The following CILK1 variants were observed in gnomAD, a reference collection of about 807,000 sequenced individuals.
CILK1 encodes the protein serine/threonine-protein kinase ICK.
CILK1 carries 47 observed loss-of-function variants against 79.2 expected under a neutral mutation model. The ratio of observed to expected loss-of-function variants is 0.59; its 90% CI spans 0.47 to 0.76. The LOEUF (loss-of-function observed/expected upper bound fraction) is 0.76. Among genes scored for constraint, CILK1 ranks in the 30% least tolerant of loss-of-function variants. CILK1 has a pLI of 0.00. For missense variants in CILK1, 660 were observed against 769.5 expected (o/e 0.86, Z 1.68); for synonymous variants, 266 against 275.9 (o/e 0.96, Z 0.36).
intron 1 of CILK1, among the ~76,000 whole-genome samples, chr6:53,058,921 A>AT (rs1182703715): frequency 6.6e-6 from 1 of 152,040 alleles, no homozygotes; most frequent in African/African-American, 2.4e-5. Flanking sequence ...GAGGAGCAGT[A>AT]TAAAAAAAAA....
intron 9 of CILK1, 69 bp from the exon 10 acceptor site, chr6:53,012,296 C>A (rs1442639632): frequency 7.0e-7 from 1 of 1,432,134 alleles, no homozygotes; most frequent in Non-Finnish European, 9.8e-7. Context: ...GAGTAATCTC[C>A]ATCTGAACTT....
intron 1 of CILK1, among the ~76,000 whole-genome samples, chr6:53,047,888 G>A (rs1767205570): frequency 6.6e-6 from 1 of 151,938 alleles, no homozygotes; most frequent in African/African-American, 2.4e-5. Flanking sequence ...AGAGATGTGG[G>A]TTCTGTTTTC....
In CILK1 at chr6:53,031,588, A is replaced by G. The variant is rs528692502; in HGVS notation, c.279-444T>C. The stretch of plus-strand genomic sequence containing the variant: ...AAAAAATGTGCCCAAGAGGCTCCAT[A>G]CGGTTCACCTTTGAAGTTCAAAATT... On this transcript the variant is annotated intron_variant, in intron 4 of 13. Coordinates refer to ENST00000676107, the MANE Select transcript of CILK1 (RefSeq NM_014920.5). Among the ~76,000 whole-genome samples, 166 of 152,320 alleles carry G rather than the reference A, an allele frequency of 1.1e-3. 2 individuals are homozygous for G. The South Asian group carries it at 0.022, about 20-fold the overall frequency.
At chr6:53,030,741 CAT>C (rs1384903480) in intron 5 of CILK1, among the ~76,000 whole-genome samples, 1 of 152,166 alleles carries the variant, frequency 6.6e-6, no homozygotes, top group Non-Finnish European at 1.5e-5. Flanking sequence ...GTGGACCAAA[CAT>C]AATACATGAA....
Position 53,011,887 on chromosome 6 carries a change from A to T in CILK1, c.1374T>A (p.Ser458=), listed in dbSNP as rs1764593917. 6.2e-7 allele frequency: 1 copy of T among 1,614,086 alleles called. No individual in the cohort carries two copies. The highest frequency in any genetic ancestry group is 1.1e-5 in the South Asian group (1 of 91,086). ...RFESVLDLKP[S]EPVGTGNSAP... is the part of the protein sequence containing the mutation. ...CACTGTTTCCTGTGCCCACAGGCTC[A>T]GAGGGCTTCAGGTCCAAAACACTCT... Residue 458 remains serine, a synonymous_variant, in exon 11 of 14, where the codon TCT becomes TCA. Transcript: ENST00000676107.
Position 53,024,554 on chromosome 6 carries a change from T to A in CILK1, c.359-5195A>T, listed in dbSNP as rs567633129. ...GAACTGGCTTAAGAATGTGTAAGGATACAAGCAGTGATTACAGTGATCTTT... is the reference window on the plus strand; with the variant it reads ...GAACTGGCTTAAGAATGTGTAAGGAAACAAGCAGTGATTACAGTGATCTTT... On this transcript the variant is annotated intron_variant, in intron 5 of 13. Coordinates refer to ENST00000676107, the MANE Select transcript of CILK1 (RefSeq NM_014920.5). 7.9e-5 allele frequency among the ~76,000 whole-genome samples: 12 copies of A among 152,334 alleles called. No individual in the cohort carries two copies. In the South Asian group the frequency reaches 2.3e-3, roughly 29 times the overall value.
At position 53,019,248 on chromosome 6, in the gene CILK1, G is replaced by A. The variant is rs752440530; in HGVS notation, c.470C>T (p.Thr157Ile). ...TCACCATCTGGTAGATACATAATCT[G>A]TATATGGAGGTTTTGATCGTATTTC... ...AREIRSKPPY[T>I]DYVSTRWYRA... Residue 157 changes from threonine (T) to isoleucine (I), a missense_variant, in exon 6 of 14, where the codon ACA (threonine) becomes ATA (isoleucine). By Grantham distance (89) the Thr-to-Ile change is moderately conservative. Coordinates refer to ENST00000676107, the MANE Select transcript of CILK1 (RefSeq NM_014920.5). The A allele has an allele frequency of 1.2e-6, 2 of 1,613,748 alleles. No homozygotes were observed. Among genetic ancestry groups the A allele is most frequent in the Non-Finnish European group, 8.5e-7 (1 of 1,179,804 alleles).
intron 8 of CILK1, among the ~76,000 whole-genome samples, chr6:53,014,814 T>C (rs890264647): frequency 1.3e-5 from 2 of 152,208 alleles, no homozygotes; most frequent in Non-Finnish European, 2.9e-5. Flanking sequence ...TTGGGGGGTA[T>C]TTTTAGCTTT....
intron 6 of CILK1, 48 bp downstream of exon 6, chr6:53,019,179 C>A (rs761030172): frequency 6.5e-7 from 1 of 1,548,262 alleles, no homozygotes; most frequent in Non-Finnish European, 8.9e-7. Context: ...ATAATGATAT[C>A]TTTTTAAAGA....
At chr6:53,037,613 A>G (rs748480910) in intron 3 of CILK1, among the ~76,000 whole-genome samples, 9 of 152,200 alleles carry the variant, frequency 5.9e-5, no homozygotes, top group Admixed American at 1.3e-4. Flanking sequence ...TACTGCTATT[A>G]TGTCTAGGAA....
In CILK1 at chr6:53,018,225, T is replaced by C. The variant is rs183763119; in HGVS notation, c.663+105A>G. 247 of 1,098,116 alleles carry C rather than the reference T, an allele frequency of 2.2e-4. 2 individuals carry two copies. In the African/African-American group the frequency reaches 3.1e-3, roughly 14 times the overall value. 68.0% of individuals were successfully genotyped at this position (1,098,116 alleles called of 1,614,324 possible). A position where few individuals can be genotyped will look rare whatever the true frequency, so the allele number is the denominator to read the frequency against. ...ATGACTGAGGTCAAGAGAAAGAGCC[T>C]AGAATGGGCAGGTGCTCAATCATGC... On this transcript the variant is annotated intron_variant, in intron 7 of 13. Transcript: ENST00000676107.
chr6:53,059,284 G>A (rs1176003027), intron 1 of CILK1, among the ~76,000 whole-genome samples: 1 of 152,144 alleles, frequency 6.6e-6, no homozygotes, highest in Non-Finnish European at 1.5e-5. Context: ...ATTACAGAAG[G>A]CCACACAACT....
chr6:53,052,197 C>T (rs542024825), intron 1 of CILK1, among the ~76,000 whole-genome samples: 1 of 152,280 alleles, frequency 6.6e-6, no homozygotes, highest in South Asian at 2.1e-4. Flanking sequence ...ATGATGGCTT[C>T]CAGCTTCATC....
At chr6:53,043,926 A>G (rs1355589190) in intron 1 of CILK1, among the ~76,000 whole-genome samples, 4 of 152,136 alleles carry the variant, frequency 2.6e-5, no homozygotes, top group Non-Finnish European at 5.9e-5. Flanking sequence ...GTCTTAAAAA[A>G]GAGAAAAGTA....
intron 1 of CILK1, among the ~76,000 whole-genome samples, chr6:53,053,772 C>T (rs541632610): frequency 6.6e-6 from 1 of 152,274 alleles, no homozygotes; most frequent in South Asian, 2.1e-4. Context: ...TCAGCGAATC[C>T]TCTGGAGCCA....
rs770593106 is a variant in CILK1, at chr6:53,038,013, C to T, written c.102-20G>A. 1 of 1,527,854 alleles carries T rather than the reference C, an allele frequency of 6.5e-7. No individual in the cohort carries two copies. Among genetic ancestry groups the T allele is most frequent in the East Asian group, 2.3e-5 (1 of 44,400 alleles). 94.6% of individuals were successfully genotyped at this position (1,527,854 alleles called of 1,614,324 possible). ...TTCATTCTAGAAGAGAAGAAAGAAACAAACAGCACACTTATTCTCAGTAAT... is the reference window on the plus strand; with the variant it reads ...TTCATTCTAGAAGAGAAGAAAGAAATAAACAGCACACTTATTCTCAGTAAT... On this transcript the variant is annotated intron_variant, in intron 2 of 13. Coordinates refer to ENST00000676107, the MANE Select transcript of CILK1 (RefSeq NM_014920.5).
chr6:53,038,277 T>C lies in CILK1; in HGVS notation c.102-284A>G, dbSNP rs149017657. Among the ~76,000 whole-genome samples the C allele has an allele frequency of 6.4e-3, 981 of 152,288 alleles. 5 individuals carry two copies. Among genetic ancestry groups the C allele is most frequent in the Non-Finnish European group, 0.01 (700 of 68,012 alleles). On this transcript the variant is annotated intron_variant, in intron 2 of 13. Coordinates refer to ENST00000676107, the MANE Select transcript of CILK1 (RefSeq NM_014920.5). The stretch of plus-strand genomic sequence containing the variant: ...AACTAACCTTGCTCTGGAAGGAAAT[T>C]GCTCAGGCTTATTCTATTTAGACCA...
rs760163508 is a variant in CILK1 at position 53,013,728 on chromosome 6, G to C, written c.1086C>G (p.Ser362Arg). 3 of 1,614,188 alleles carry C rather than the reference G, an allele frequency of 1.9e-6. No individual in the cohort carries two copies. The highest frequency in any genetic ancestry group is 1.1e-5 in the South Asian group (1 of 91,076). The change falls in exon 9 of 14, where the codon AGC becomes AGG. Residue 362 changes from serine to arginine, a missense_variant. Physicochemically the swap from Ser to Arg is moderately radical, Grantham distance 110. Transcript: ENST00000676107. Reference sequence around the variant, plus strand: ...GGCTTGGCTTGTCCTCCTGGAGATGGCTTGGGTGATCTGTCCTGGAGACCT... The same window carrying C: ...GGCTTGGCTTGTCCTCCTGGAGATGCCTTGGGTGATCTGTCCTGGAGACCT... ...KAEVSRTDHP[S>R]HLQEDKPSPL...
intron 1 of CILK1, among the ~76,000 whole-genome samples, chr6:53,059,228 G>C (rs973142220): frequency 1.3e-5 from 2 of 152,160 alleles, no homozygotes; most frequent in South Asian, 4.1e-4. Context: ...GTGAAACTGG[G>C]GGGGAGCATT....
Sources: gnomAD v4.1 joint callset for allele counts (sites outside exome capture counted in the v4.1 genomes callset) on GRCh38, gnomAD v4.1.1 for gene constraint, MANE v1.5 for transcripts, NCBI Gene and HGNC (gene_info 2026-07-23, HGNC 2026-07-21) for gene names.